The following AKAP6 variants were observed in gnomAD, a reference collection of about 807,000 sequenced individuals.
AKAP6 encodes the protein A-kinase anchoring protein 6, also known as A-kinase anchor protein 6.
Under a neutral mutation model 188.5 loss-of-function variants are expected in AKAP6, and 58 were observed. The ratio of observed to expected loss-of-function variants is 0.31; its 90% confidence interval spans 0.25 to 0.38. The LOEUF is 0.38. Among genes scored for constraint, AKAP6 ranks in the 10% least tolerant of loss-of-function variants. The pLI is 1.00. For missense variants in AKAP6, 2,710 were observed against 2,740.0 expected, an observed-to-expected ratio of 0.99 and a Z score of 0.24; for synonymous variants, 989 against 998.6, an observed-to-expected ratio of 0.99 and a Z score of 0.18.
chr14:32,571,554 A>G (rs1884489519), intron 4 of AKAP6, among the ~76,000 whole-genome samples: 1 of 152,148 alleles, frequency 6.6e-6, no homozygotes, highest in African/African-American at 2.4e-5. Flanking sequence ...AAATAAATAC[A>G]TAAAATGTAA....
At position 32,757,908 on chromosome 14, in the gene AKAP6, C is replaced by T. The variant is rs571378580; in HGVS notation, c.3373-15770C>T. On this transcript the variant is annotated intron_variant, in intron 11 of 13. Transcript: ENST00000280979. Reference sequence around the variant, plus strand: ...AAAATGAGATCTGAAGTGGAGGGGACGAAACAGAACAATATATGCATGTGT... The same window carrying T: ...AAAATGAGATCTGAAGTGGAGGGGATGAAACAGAACAATATATGCATGTGT... Among the ~76,000 whole-genome samples, 181 of 151,960 alleles carry T rather than the reference C, an allele frequency of 1.2e-3. 1 individual carries two copies. Among genetic ancestry groups the T allele is most frequent in the East Asian group, 2.7e-3 (14 of 5,166 alleles).
chr14:32,473,071 G>A (rs540245649), intron 2 of AKAP6, among the ~76,000 whole-genome samples: 2 of 152,252 alleles, frequency 1.3e-5, no homozygotes, highest in Admixed American at 6.5e-5. Context: ...AAATCCCTGT[G>A]GAATGTTGGA....
intron 5 of AKAP6, among the ~76,000 whole-genome samples, chr14:32,593,516 A>T (rs1479240318): frequency 6.6e-6 from 1 of 152,336 alleles, no homozygotes; most frequent in African/African-American, 2.4e-5. Context: ...GAAGGGACAC[A>T]TCTGCCTGGG....
At chr14:32,829,250 T>A (rs1332809438) in intron 13 of AKAP6, among the ~76,000 whole-genome samples, 1 of 134,504 alleles carries the variant, frequency 7.4e-6, no homozygotes, top group African/African-American at 2.6e-5. Flanking sequence ...TGTATGTACC[T>A]TAAATGAAAT....
intron 1 of AKAP6, among the ~76,000 whole-genome samples, chr14:32,355,477 G>A (rs1241616804): frequency 1.3e-5 from 2 of 152,108 alleles, no homozygotes; most frequent in African/African-American, 4.8e-5. Context: ...GGACGGGGAG[G>A]CCTCTAAATC....
In AKAP6 at chr14:32,545,962, C is replaced by T. The variant is rs200656320; in HGVS notation, c.1309C>T (p.Leu437Phe). 8.5e-5 allele frequency: 137 copies of T among 1,614,080 alleles called. No individual in the cohort carries two copies. Among genetic ancestry groups the T allele is most frequent in the Non-Finnish European group, 1.1e-4 (135 of 1,180,032 alleles). Residue 437 changes from leucine (L) to phenylalanine (F), a missense_variant, in exon 4 of 14, where the codon CTT becomes TTT. By Grantham distance (22) the Leu-to-Phe change is conservative (BLOSUM62 0). This residue lies in a region of AKAP6 where 2,473 missense variants were observed against 2,426.1 expected (regional missense o/e 1.02). Coordinates refer to ENST00000280979, the MANE Select transcript of AKAP6 (RefSeq NM_004274.5). ...SLVDPPDRSK[L>F]CLVLQSSYPN... ...AGTAGATCCTCCTGACAGATCCAAA[C>T]TTTGCCTGGTATTGCAGTCTTCTTA...
At chr14:32,357,153 A>C (rs747137567) in intron 1 of AKAP6, among the ~76,000 whole-genome samples, 1 of 152,220 alleles carries the variant, frequency 6.6e-6, no homozygotes, top group Non-Finnish European at 1.5e-5. Flanking sequence ...ATTTAGTGTT[A>C]CAAAAAAATC....
intron 7 of AKAP6, among the ~76,000 whole-genome samples, chr14:32,601,735 T>A (rs1885934210): frequency 6.6e-6 from 1 of 152,228 alleles, no homozygotes; most frequent in Non-Finnish European, 1.5e-5. Context: ...TTATTCAGCA[T>A]CCATGTAGAT....
intron 11 of AKAP6, among the ~76,000 whole-genome samples, chr14:32,749,575 A>C (rs2032046161): frequency 6.6e-6 from 1 of 152,198 alleles, no homozygotes. Context: ...CCCATTTATG[A>C]ATTTCAGCCT....
intron 7 of AKAP6, among the ~76,000 whole-genome samples, chr14:32,631,355 C>T (rs1368251165): frequency 6.6e-6 from 1 of 152,018 alleles, no homozygotes; most frequent in Non-Finnish European, 1.5e-5. Flanking sequence ...ATCGATTTTC[C>T]ACTTTCCAGA....
chr14:32,705,212 A>G (rs1890763580), intron 9 of AKAP6, among the ~76,000 whole-genome samples: 1 of 152,188 alleles, frequency 6.6e-6, no homozygotes, highest in African/African-American at 2.4e-5. Flanking sequence ...CTTTAATCCC[A>G]TTCTTAAGAT....
chr14:32,631,215 T>TA (rs1157360325), intron 7 of AKAP6, among the ~76,000 whole-genome samples: 1 of 152,042 alleles, frequency 6.6e-6, no homozygotes, highest in African/African-American at 2.4e-5. Context: ...ATGTTATTTT[T>TA]AAAAAATTAT....
rs28778151 is a variant in AKAP6 at position 32,739,907 on chromosome 14, A to C, written c.3372+4025A>C. On this transcript the variant is annotated intron_variant, in intron 11 of 13. Coordinates refer to ENST00000280979, the MANE Select transcript of AKAP6 (RefSeq NM_004274.5). ...ATATACCTAGCGGTGGGATTGTTGG[A>C]TCATATGGTAGCTCTATTTTTAGTT... Among the ~76,000 whole-genome samples, 1,361 of 152,200 alleles carry C rather than the reference A, an allele frequency of 8.9e-3. 28 individuals are homozygous for C. The highest frequency in any genetic ancestry group is 0.03 in the African/African-American group (1,255 of 41,560).
rs1594724380 is a variant in AKAP6, at chr14:32,540,380, G to C, written c.576+4575G>C. ...CGCCCAGCTAATTTTTGTATTTTTA[G>C]TAGAGATGGACTTTTGCCATGTTGC... On this transcript the variant is annotated intron_variant, in intron 3 of 13. Transcript: ENST00000280979. 2.0e-5 allele frequency among the ~76,000 whole-genome samples: 3 copies of C among 151,578 alleles called. No individual in the cohort carries two copies. The East Asian group carries it at 5.8e-4, about 30-fold the overall frequency.
At chr14:32,478,992 A>G (rs925639896) in intron 2 of AKAP6, among the ~76,000 whole-genome samples, 52 of 152,198 alleles carry the variant, frequency 3.4e-4, no homozygotes, top group Admixed American at 3.3e-3. Flanking sequence ...TGAGAATTTG[A>G]CATGTTAAAG....
intron 12 of AKAP6, among the ~76,000 whole-genome samples, chr14:32,793,158 A>T (rs1329855114): frequency 2.0e-5 from 3 of 152,224 alleles, no homozygotes; most frequent in Non-Finnish European, 4.4e-5. Context: ...TGATGAAAGG[A>T]TCAAATTCAC....
chr14:32,345,881 C>T (rs1887049674), intron 1 of AKAP6, among the ~76,000 whole-genome samples: 1 of 152,186 alleles, frequency 6.6e-6, no homozygotes, highest in Non-Finnish European at 1.5e-5. Context: ...ATATTTCCCT[C>T]TATCCACAGA....
At position 32,475,894 on chromosome 14, in the gene AKAP6, A is replaced by G. The variant is rs987988348; in HGVS notation, c.324+42077A>G. ...GAGAAGGGGTTTCACCATGTTAGCCAGGATGGTCTCGATCTCCTGACCTCA... is the reference window on the plus strand; with the variant it reads ...GAGAAGGGGTTTCACCATGTTAGCCGGGATGGTCTCGATCTCCTGACCTCA... On this transcript the variant is annotated intron_variant, in intron 2 of 13. Coordinates refer to ENST00000280979, the MANE Select transcript of AKAP6 (RefSeq NM_004274.5). 3.2e-4 allele frequency among the ~76,000 whole-genome samples: 49 copies of G among 151,990 alleles called. 2 individuals are homozygous for G. Among genetic ancestry groups the G allele is most frequent in the Non-Finnish European group, 1.5e-4 (10 of 67,942 alleles).
At chr14:32,633,577 T>C (rs1887364854) in intron 7 of AKAP6, among the ~76,000 whole-genome samples, 1 of 152,026 alleles carries the variant, frequency 6.6e-6, no homozygotes, top group Non-Finnish European at 1.5e-5. Flanking sequence ...TTAGGAGCCA[T>C]TGCATGTCTC....
Sources: allele counts gnomAD v4.1 joint callset (sites outside exome capture counted in the v4.1 genomes callset), GRCh38; gene constraint gnomAD v4.1.1; regional missense constraint gnomAD v4.1.1; transcripts MANE v1.5; gene names NCBI Gene and HGNC (gene_info 2026-07-23, HGNC 2026-07-21).